DLGAP2: variants seen among roughly 807,000 people sequenced by gnomAD.
DLGAP2 encodes the protein disks large-associated protein 2.
In DLGAP2, 26 loss-of-function variants were observed where a neutral mutation model predicts 100.3. The ratio of observed to expected loss-of-function variants is 0.26; its 90% CI spans 0.19 to 0.36. The LOEUF (loss-of-function observed/expected upper bound fraction) is 0.36, where lower values mean the gene tolerates loss of function less well. Among genes scored for constraint, DLGAP2 ranks in the 10% least tolerant of loss-of-function variants. DLGAP2 has a pLI of 1.00. For synonymous variants in DLGAP2, 886 were observed against 630.1 expected (o/e 1.41, Z -6.08); for missense variants, 1,858 against 1,453.2 (o/e 1.28, Z -4.53).
intron 6 of DLGAP2, among the ~76,000 whole-genome samples, chr8:1,614,879 G>A (rs1797100670): frequency 6.6e-6 from 1 of 152,220 alleles, no homozygotes; most frequent in Non-Finnish European, 1.5e-5. Flanking sequence ...ACACACGCAT[G>A]CCCTCCTGTT....
chr8:1,304,895 G>A (rs1800453450), intron 3 of DLGAP2, among the ~76,000 whole-genome samples: 1 of 152,198 alleles, frequency 6.6e-6, no homozygotes. Context: ...AATCGCATTT[G>A]ATATAATCAT....
At chr8:996,769 G>C (rs1463153761) in intron 2 of DLGAP2, among the ~76,000 whole-genome samples, 2 of 152,162 alleles carry the variant, frequency 1.3e-5, no homozygotes, top group Non-Finnish European at 2.9e-5. Context: ...TAGTTGAAGA[G>C]GAAGTGAGGA....
chr8:818,875 T>C (rs1342637626), intron 1 of DLGAP2, among the ~76,000 whole-genome samples: 1 of 152,222 alleles, frequency 6.6e-6, no homozygotes, highest in African/African-American at 2.4e-5. Context: ...TTGGTGACTA[T>C]AAATGATATA....
At chr8:1,542,550 C>G (rs1801397428) in intron 4 of DLGAP2, among the ~76,000 whole-genome samples, 1 of 152,164 alleles carries the variant, frequency 6.6e-6, no homozygotes, top group Admixed American at 6.5e-5. Context: ...AGGCCCTTCC[C>G]TGGTGCAGCA....
chr8:1,124,709 G>C (rs541249621), intron 2 of DLGAP2, among the ~76,000 whole-genome samples: 1 of 152,150 alleles, frequency 6.6e-6, no homozygotes, highest in South Asian at 2.1e-4. Context: ...ACTATCTTTT[G>C]AAATACAGAT....
intron 2 of DLGAP2, among the ~76,000 whole-genome samples, chr8:1,074,527 C>T (rs1049824533): frequency 1.3e-5 from 2 of 152,210 alleles, no homozygotes; most frequent in Admixed American, 6.5e-5. Context: ...AGAGCTCCCA[C>T]CTTCACAGCC....
chr8:746,669 A>C (rs1820625168), intron 1 of DLGAP2, among the ~76,000 whole-genome samples: 1 of 152,156 alleles, frequency 6.6e-6, no homozygotes, highest in Non-Finnish European at 1.5e-5. Context: ...AGTGGTTTTG[A>C]TTTTCTGTTT....
chr8:1,172,110 C>G (rs1254124560), intron 2 of DLGAP2, among the ~76,000 whole-genome samples: 2 of 151,706 alleles, frequency 1.3e-5, no homozygotes, highest in Non-Finnish European at 2.9e-5. Flanking sequence ...ATTTGCTTGT[C>G]TGTAAAGTAT....
At position 1,028,274 on chromosome 8, in the gene DLGAP2, TGGGGTGTCAGGCGCC is replaced by T. The variant is rs1356400182; in HGVS notation, c.73+120309_73+120323del. On this transcript the variant is annotated intron_variant, in intron 2 of 14. Coordinates refer to ENST00000637795, the MANE Select transcript of DLGAP2 (RefSeq NM_001346810.2). ...TGTCAGGCGCCCGTTATTCTCCAGG[TGGGGTGTCAGGCGCC>T]CGTTATTCTCCAGGTCGGGTGTCAG... Among the ~76,000 whole-genome samples, 261 of 141,134 alleles carry T rather than the reference TGGGGTGTCAGGCGCC, an allele frequency of 1.8e-3. 1 individual carries two copies. The highest frequency in any genetic ancestry group is 0.01 in the South Asian group (42 of 4,188). 92.6% of individuals were successfully genotyped at this position (141,134 alleles called of 152,430 possible).
At chr8:1,149,582 A>G (rs189093921) in intron 2 of DLGAP2, among the ~76,000 whole-genome samples, 16 of 152,212 alleles carry the variant, frequency 1.1e-4, no homozygotes, top group Admixed American at 1.0e-3. Context: ...CACACTTACT[A>G]TATTCTAATA....
chr8:786,658 C>T (rs1821875863), intron 1 of DLGAP2, among the ~76,000 whole-genome samples: 1 of 151,760 alleles, frequency 6.6e-6, no homozygotes, highest in Non-Finnish European at 1.5e-5. Context: ...CTGCAGAGAC[C>T]TCCGGGGAGG....
intron 2 of DLGAP2, among the ~76,000 whole-genome samples, chr8:1,186,709 T>G (rs1797512557): frequency 6.6e-6 from 1 of 152,140 alleles, no homozygotes; most frequent in Admixed American, 6.5e-5. Flanking sequence ...GAGCTGATAT[T>G]CTGTTGTGAA....
In DLGAP2 at chr8:758,478, T is replaced by A. The variant is rs149476844; in HGVS notation, c.18+20653T>A. On this transcript the variant is annotated intron_variant, in intron 1 of 14. Coordinates refer to ENST00000637795, the MANE Select transcript of DLGAP2 (RefSeq NM_001346810.2). Reference sequence around the variant, plus strand: ...TCAAATAGTTCAGTAGGAGCTACAATTGAAAAGCAAGAGCGTCTTGCTCCA... The same window carrying A: ...TCAAATAGTTCAGTAGGAGCTACAAATGAAAAGCAAGAGCGTCTTGCTCCA... Among the ~76,000 whole-genome samples, 41 of 152,326 alleles carry A rather than the reference T, an allele frequency of 2.7e-4. No individual in the cohort carries two copies. In the East Asian group the frequency reaches 6.7e-3, roughly 25 times the overall value.
intron 3 of DLGAP2, among the ~76,000 whole-genome samples, chr8:1,464,290 C>T (rs1008320145): frequency 3.0e-5 from 3 of 98,378 alleles, no homozygotes; most frequent in East Asian, 3.2e-4. Flanking sequence ...GGACAACGCC[C>T]TTCCAGGATG....
chr8:1,408,606 T>G (rs1274806384), intron 3 of DLGAP2, among the ~76,000 whole-genome samples: 4 of 152,206 alleles, frequency 2.6e-5, no homozygotes, highest in African/African-American at 9.6e-5. Flanking sequence ...TTTCTAAGCC[T>G]GTTTTCTGGA....
At chr8:1,059,597 T>C (rs887698802) in intron 2 of DLGAP2, among the ~76,000 whole-genome samples, 1 of 152,198 alleles carries the variant, frequency 6.6e-6, no homozygotes, top group African/African-American at 2.4e-5. Flanking sequence ...GGTGTGTTCA[T>C]GGCTTTTGTT....
At chr8:897,894 A>C (rs1184053090) in intron 1 of DLGAP2, among the ~76,000 whole-genome samples, 1 of 151,922 alleles carries the variant, frequency 6.6e-6, no homozygotes, top group South Asian at 2.1e-4. Context: ...TTCCTCCCAC[A>C]TCCCAAAGCC....
At chr8:1,216,558 C>T (rs1798218036) in intron 2 of DLGAP2, among the ~76,000 whole-genome samples, 1 of 151,916 alleles carries the variant, frequency 6.6e-6, no homozygotes, top group Non-Finnish European at 1.5e-5. Flanking sequence ...TGGACTTGAA[C>T]CTCCTGAGCT....
intron 2 of DLGAP2, among the ~76,000 whole-genome samples, chr8:1,173,192 A>G (rs548692790): frequency 7.9e-5 from 12 of 152,164 alleles, no homozygotes; most frequent in Non-Finnish European, 1.3e-4. Flanking sequence ...TCCGCAGAAC[A>G]GTGGTTTTTC....
Sources: allele counts gnomAD v4.1 joint callset (sites outside exome capture counted in the v4.1 genomes callset), GRCh38; gene constraint gnomAD v4.1.1; transcripts MANE v1.5; gene names NCBI Gene and HGNC (gene_info 2026-07-23, HGNC 2026-07-21).